Variants in COL27A1 observed in about 807,000 individuals in gnomAD.
COL27A1 encodes the protein collagen type XXVII alpha 1 chain.
COL27A1 carries 106 observed loss-of-function variants against 251.3 expected under a neutral mutation model. The observed-to-expected ratio is 0.42, with a 90% CI of 0.36 to 0.50. The LOEUF (loss-of-function observed/expected upper bound fraction) is 0.50, where lower values mean the gene tolerates loss of function less well. Among genes scored for constraint, COL27A1 ranks in the 20% least tolerant of loss-of-function variants. The pLI is 0.00. For missense variants in COL27A1, 2,325 were observed against 2,522.8 expected (o/e 0.92, Z 1.68); for synonymous variants, 1,000 against 986.3 (o/e 1.01, Z -0.26).
At position 114,246,937 on chromosome 9, in the gene COL27A1, G is replaced by A. The variant is rs911340606; in HGVS notation, c.2979+1027G>A. Among the ~76,000 whole-genome samples the A allele has an allele frequency of 7.3e-5, 11 of 151,456 alleles. No individual in the cohort carries two copies. The East Asian group carries it at 1.6e-3, about 21-fold the overall frequency. ...TAGTTATGCTAATGGTAGGGCCCTC[G>A]GGAAATAGATATGCAGGGTCTTGGA... On this transcript the variant is annotated intron_variant, in intron 24 of 60. Coordinates refer to ENST00000356083, the MANE Select transcript of COL27A1 (RefSeq NM_032888.4).
intron 16 of COL27A1, among the ~76,000 whole-genome samples, chr9:114,233,007 G>T (rs1588716729): frequency 6.6e-6 from 1 of 152,182 alleles, no homozygotes; most frequent in Non-Finnish European, 1.5e-5. Context: ...GGAGGCAGAA[G>T]TTGCAGTGAG....
At chr9:114,249,694 G>T (rs1458250990) in intron 24 of COL27A1, among the ~76,000 whole-genome samples, 2 of 152,154 alleles carry the variant, frequency 1.3e-5, no homozygotes, top group African/African-American at 4.8e-5. Context: ...GCCTATTCCT[G>T]GCCCAAGGTC....
intron 10 of COL27A1, among the ~76,000 whole-genome samples, chr9:114,207,048 G>A (rs1041709500): frequency 1.3e-5 from 2 of 152,198 alleles, no homozygotes; most frequent in Non-Finnish European, 1.5e-5. Context: ...GGCCTGGATG[G>A]CCCCAGCTTA....
chr9:114,252,517 CCCTCTGCA>C (rs1833609936), intron 25 of COL27A1, 68 bp from the exon 26 acceptor site: 21 of 1,258,622 alleles, frequency 1.7e-5, no homozygotes, highest in Non-Finnish European at 2.3e-5. Context: ...CTCTGGATGG[CCCTCTGCA>C]CCTGCCTCCC....
chr9:114,236,572 C>T (rs1324574749), intron 17 of COL27A1, among the ~76,000 whole-genome samples: 2 of 152,162 alleles, frequency 1.3e-5, no homozygotes, highest in Non-Finnish European at 2.9e-5. Context: ...TGTTGGCCAG[C>T]TCTCCCTCTT....
At chr9:114,158,027 G>A (rs1017366744) in intron 1 of COL27A1, among the ~76,000 whole-genome samples, 1 of 152,132 alleles carries the variant, frequency 6.6e-6, no homozygotes, top group South Asian at 2.1e-4. Flanking sequence ...CTCTCCAGAC[G>A]ATGACCTGTC....
At position 114,244,051 on chromosome 9, in the gene COL27A1, G is replaced by A. The variant is rs193262564; in HGVS notation, c.2934+491G>A. Among the ~76,000 whole-genome samples the A allele has an allele frequency of 6.5e-3, 982 of 150,752 alleles. 13 individuals are homozygous for A. The highest frequency in any genetic ancestry group is 0.022 in the African/African-American group (909 of 41,048). On this transcript the variant is annotated intron_variant, in intron 23 of 60. Coordinates refer to ENST00000356083, the MANE Select transcript of COL27A1 (RefSeq NM_032888.4). The stretch of plus-strand genomic sequence containing the variant: ...ACTGGTCCTCCTGCCTCAGCCTCCC[G>A]AGTAGCTGGGACTACAGGTGTGCAG...
At chr9:114,310,481 GA>G in intron 60 of COL27A1, 67 bp from the exon 61 acceptor site, 1 of 1,569,074 alleles carries the variant, frequency 6.4e-7, no homozygotes. Flanking sequence ...AGATGGAAGG[GA>G]AAATGCTCAT....
chr9:114,300,023 G>T (rs183940259), intron 49 of COL27A1, 47 bp from the exon 50 acceptor site: 32 of 1,603,118 alleles, frequency 2.0e-5, no homozygotes, highest in Non-Finnish European at 2.7e-5. Context: ...GGCGGGACAC[G>T]CTGACCATGA....
intron 34 of COL27A1, 87 bp downstream of exon 34, chr9:114,267,644 G>A: frequency 7.9e-7 from 1 of 1,260,326 alleles, no homozygotes; most frequent in Non-Finnish European, 1.1e-6. Context: ...AGAGAAATGG[G>A]CCTTTCTTGT....
At chr9:114,211,096 G>A in intron 12 of COL27A1, 70 bp downstream of exon 12, 1 of 1,485,518 alleles carries the variant, frequency 6.7e-7, no homozygotes, top group Non-Finnish European at 9.4e-7. Flanking sequence ...ACGCTGCCCT[G>A]GCCACCTGCT....
intron 60 of COL27A1, 139 bp downstream of exon 60, chr9:114,309,617 T>C (rs899183445): frequency 1.4e-6 from 1 of 706,548 alleles, no homozygotes; most frequent in African/African-American, 1.8e-5. Flanking sequence ...TATGATTTCA[T>C]CTTTGTGTAA....
Position 114,290,705 on chromosome 9 carries a change from C to A in COL27A1, c.4369-105C>A. ...TCTGACCTCCATCCTGGAGTGTGAC[C>A]CCTTCCTCCAGCTTCACCCAGGGTT... is the stretch of plus-strand genomic sequence containing the variant. On this transcript the variant is annotated intron_variant, in intron 47 of 60. Coordinates refer to ENST00000356083, the MANE Select transcript of COL27A1 (RefSeq NM_032888.4). This position sits in a 1 kb window ranked among gnomAD's most constrained non-coding sequence, Gnocchi z 4.6. 1.2e-6 allele frequency: 1 copy of A among 818,630 alleles called. No homozygotes were observed. Among genetic ancestry groups the A allele is most frequent in the East Asian group, 2.7e-5 (1 of 37,228 alleles). The allele number at this position is 818,630 out of a possible 1,614,324, so 50.7% of individuals were successfully genotyped here.
chr9:114,256,777 A>T (rs146929086), intron 27 of COL27A1, among the ~76,000 whole-genome samples: 1 of 152,246 alleles, frequency 6.6e-6, no homozygotes, highest in African/African-American at 2.4e-5. Context: ...AGATGGCACA[A>T]TTAGTAAGTG....
intron 49 of COL27A1, among the ~76,000 whole-genome samples, chr9:114,296,393 A>G (rs1828258472): frequency 6.6e-6 from 1 of 152,250 alleles, no homozygotes; most frequent in Non-Finnish European, 1.5e-5. Context: ...AAATGGGCAG[A>G]AGATTTGAAT....
chr9:114,300,161 C>T, intron 50 of COL27A1, 38 bp downstream of exon 50: 1 of 1,565,910 alleles, frequency 6.4e-7, no homozygotes, highest in Non-Finnish European at 8.8e-7. Context: ...TGTGGGGTCC[C>T]ATCCATTCAC....
At position 114,219,821 on chromosome 9, in the gene COL27A1, C is replaced by T; in HGVS notation, c.2398C>T (p.Pro800Ser). The T allele has an allele frequency of 6.2e-7, 1 of 1,611,370 alleles. No homozygotes were observed. Among genetic ancestry groups the T allele is most frequent in the Non-Finnish European group, 8.5e-7 (1 of 1,177,650 alleles). The change falls in exon 13 of 61, where the codon CCT becomes TCT. Residue 800 changes from proline (P) to serine (S), a missense_variant. This residue lies in a region of COL27A1 where 1,183 missense variants were observed against 1,144.1 expected (regional missense o/e 1.03). Transcript: ENST00000356083. ...TCCTGGAGTCTTTGGGGAAAGAGGC[C>T]CTCCTGGACTGGATGGAAATCCTGT... ...GFPGVFGERG[P>S]PGLDGNPGEL...
Position 114,183,074 on chromosome 9 carries a change from A to G in COL27A1, c.2015A>G (p.Lys672Arg), listed in dbSNP as rs569569761. The G allele has an allele frequency of 6.2e-7, 1 of 1,612,964 alleles. No individual in the cohort carries two copies. The highest frequency in any genetic ancestry group is 1.7e-5 in the Admixed American group (1 of 60,022). The change falls in exon 5 of 61, where the codon AAA becomes AGA. Residue 672 changes from lysine to arginine, a missense_variant and splice_region_variant. Lys to Arg is a conservative substitution (Grantham distance 26). Coordinates refer to ENST00000356083, the MANE Select transcript of COL27A1 (RefSeq NM_032888.4). Reference sequence around the variant, plus strand: ...GGTCTCCCCGGCCCTCCTGGAGCCAAAGTGAGTATTTGCTGGAGATGTGGC... The same window carrying G: ...GGTCTCCCCGGCCCTCCTGGAGCCAGAGTGAGTATTTGCTGGAGATGTGGC... The part of the protein sequence containing the change: ...NPGLPGPPGA[K>R]GQKGDPGLSP...
In COL27A1 at chr9:114,191,407, C is replaced by T. The variant is rs897202874; in HGVS notation, c.2017-2997C>T. 5.5e-4 allele frequency among the ~76,000 whole-genome samples: 83 copies of T among 152,256 alleles called. 1 individual carries two copies. Among genetic ancestry groups the T allele is most frequent in the Non-Finnish European group, 1.2e-4 (8 of 68,030 alleles). On this transcript the variant is annotated intron_variant, in intron 5 of 60. Coordinates refer to ENST00000356083, the MANE Select transcript of COL27A1 (RefSeq NM_032888.4). ...CATGCATTAACTAATTTTCCTAATG[C>T]TCTCCCTACCCCTACTCCCCTGCCA...
Sources: allele counts gnomAD v4.1 joint callset (sites outside exome capture counted in the v4.1 genomes callset), GRCh38; gene constraint gnomAD v4.1.1; regional missense constraint gnomAD v4.1.1; non-coding constraint Gnocchi (gnomAD v3.1); transcripts MANE v1.5; gene names NCBI Gene and HGNC (gene_info 2026-07-23, HGNC 2026-07-21).